The following ZNF514 variants were observed in gnomAD, a reference collection of about 807,000 sequenced individuals.
ZNF514 encodes the protein zinc finger protein 514.
In ZNF514, 12 loss-of-function variants were observed where a neutral mutation model predicts 9.7. That is an observed-to-expected ratio of 1.24 (90% CI 0.79 to 2.01). ZNF514 has a LOEUF of 2.01. Ranked by LOEUF, ZNF514 falls within the 30% of genes most tolerant of loss-of-function variation. ZNF514 has a pLI of 0.00. For missense variants in ZNF514, 467 were observed against 465.5 expected, an observed-to-expected ratio of 1.00 and a Z score of -0.03; for synonymous variants, 158 against 163.7, an observed-to-expected ratio of 0.97 and a Z score of 0.27.
the ZNF514 span, among the ~76,000 whole-genome samples, chr2:95,132,796 A>G: frequency 1.4e-5 from 2 of 139,962 alleles, no homozygotes; most frequent in South Asian, 2.3e-4. Context: ...TGAACCCAGG[A>G]GGCGGAGGTT....
the ZNF514 span, among the ~76,000 whole-genome samples, chr2:95,132,303 A>G: frequency 6.6e-6 from 1 of 152,150 alleles, no homozygotes; most frequent in Admixed American, 6.5e-5. Context: ...AAGCAATTCG[A>G]TTAGAAAATG....
At chr2:95,128,790 G>C in the ZNF514 span, among the ~76,000 whole-genome samples, 1 of 151,316 alleles carries the variant, frequency 6.6e-6, no homozygotes, top group African/African-American at 2.4e-5. Flanking sequence ...GGAGGAAGAG[G>C]AGGAGGAGGA....
At chr2:95,131,306 G>A in the ZNF514 span, among the ~76,000 whole-genome samples, 1 of 152,212 alleles carries the variant, frequency 6.6e-6, no homozygotes, top group Non-Finnish European at 1.5e-5. Context: ...AAAGGGACCA[G>A]GCACAGTTTC....
downstream of ZNF514, among the ~76,000 whole-genome samples, chr2:95,143,421 G>C (rs1673292265): frequency 6.6e-6 from 1 of 152,108 alleles, no homozygotes; most frequent in African/African-American, 2.4e-5. Flanking sequence ...AGGAGTTCAA[G>C]ACCAGCCTGA....
downstream of ZNF514, among the ~76,000 whole-genome samples, chr2:95,142,248 A>G (rs1444372673): frequency 6.6e-6 from 1 of 152,248 alleles, no homozygotes; most frequent in African/African-American, 2.4e-5. Context: ...GTCTCATCAA[A>G]TGAGTCTATA....
At chr2:95,126,385 A>AG in the ZNF514 span, among the ~76,000 whole-genome samples, 1 of 148,132 alleles carries the variant, frequency 6.8e-6, no homozygotes, top group South Asian at 2.1e-4. Flanking sequence ...AAAAAAAAAA[A>AG]AAAAAAAAAA....
chr2:95,154,708 A>G (rs1673644285), intron 2 of ZNF514: 1 of 152,254 alleles, frequency 6.6e-6, no homozygotes, highest in Non-Finnish European at 1.5e-5. Context: ...GGCAATAGGA[A>G]ATGTCCAGAA....
rs777883534 is a variant in ZNF514, at chr2:95,149,940, T to A, written c.545A>T (p.Asp182Val). 6.2e-7 allele frequency: 1 copy of A among 1,614,224 alleles called. No homozygotes were observed. The highest frequency in any genetic ancestry group is 8.5e-7 in the Non-Finnish European group (1 of 1,180,036). ...ILMGEGSYKC[D>V]TEFRQTLGGN... is the part of the protein sequence containing the mutation. Reference sequence around the variant, plus strand: ...CCCTAAAGTCTGCCTGAATTCTGTATCACATTTATAAGATCCTTCTCCCAT... The same window carrying A: ...CCCTAAAGTCTGCCTGAATTCTGTAACACATTTATAAGATCCTTCTCCCAT... Residue 182 changes from aspartate (D) to valine (V), a missense_variant, in exon 5 of 5, where the codon GAT (aspartate) becomes GTT (valine). Transcript: ENST00000295208.
the ZNF514 span, among the ~76,000 whole-genome samples, chr2:95,123,817 C>T: frequency 6.6e-6 from 1 of 152,182 alleles, no homozygotes; most frequent in African/African-American, 2.4e-5. Flanking sequence ...AATGGTCAAG[C>T]CTCCAGACTC....
chr2:95,125,459 CGATCTCTT>C, the ZNF514 span, among the ~76,000 whole-genome samples: 2 of 151,716 alleles, frequency 1.3e-5, no homozygotes, highest in Non-Finnish European at 2.9e-5. Flanking sequence ...AGGATGGTCT[CGATCTCTT>C]GACCTTGTGA....
chr2:95,153,073 CT>C, intron 3 of ZNF514, 59 bp downstream of exon 3: 1 of 1,573,216 alleles, frequency 6.4e-7, no homozygotes, highest in Non-Finnish European at 8.6e-7. Flanking sequence ...ACCACTAGCT[CT>C]TAAACATCAA....
intron 2 of ZNF514, among the ~76,000 whole-genome samples, chr2:95,156,023 C>T (rs1394796204): frequency 3.9e-5 from 6 of 152,306 alleles, no homozygotes; most frequent in East Asian, 1.9e-4. Context: ...TTTCTAACTG[C>T]GAGCCATTGA....
chr2:95,128,789 G>A, the ZNF514 span, among the ~76,000 whole-genome samples: 1 of 150,782 alleles, frequency 6.6e-6, no homozygotes, highest in African/African-American at 2.4e-5. Flanking sequence ...AGGAGGAAGA[G>A]GAGGAGGAGG....
At chr2:95,128,434 G>C in the ZNF514 span, among the ~76,000 whole-genome samples, 1 of 150,828 alleles carries the variant, frequency 6.6e-6, no homozygotes, top group African/African-American at 2.4e-5. Flanking sequence ...GTGTGTCCCT[G>C]TAATCCCAGC....
In ZNF514 at chr2:95,152,657, TTCAC is replaced by T. The variant is rs766409528; in HGVS notation, c.217+13_217+16del. On this transcript the variant is annotated intron_variant, in intron 4 of 4. Coordinates refer to ENST00000295208, the MANE Select transcript of ZNF514 (RefSeq NM_032788.3). ...GCTGGGCCTTATCATATGCAATGCT[TTCAC>T]TCACTCACTCACCTGAGTGGGCTCC... 3 of 1,609,780 alleles carry T rather than the reference TTCAC, an allele frequency of 1.9e-6. No homozygotes were observed. Among genetic ancestry groups the T allele is most frequent in the South Asian group, 1.1e-5 (1 of 90,998 alleles).
intron 3 of ZNF514, 148 bp downstream of exon 3, chr2:95,152,985 G>T (rs1673585672): frequency 5.6e-6 from 6 of 1,079,582 alleles, no homozygotes; most frequent in South Asian, 4.7e-5. Flanking sequence ...GTATCACTGG[G>T]CCCCAAAGAG....
chr2:95,130,757 T>C, the ZNF514 span, among the ~76,000 whole-genome samples: 2 of 152,336 alleles, frequency 1.3e-5, no homozygotes, highest in East Asian at 1.9e-4. Flanking sequence ...GGTGCCCACA[T>C]TTCATATTGC....
At chr2:95,156,202 T>C (rs1189140987) in intron 2 of ZNF514, among the ~76,000 whole-genome samples, 1 of 152,234 alleles carries the variant, frequency 6.6e-6, no homozygotes, top group Non-Finnish European at 1.5e-5. Flanking sequence ...TCAGTGTCTA[T>C]CATCAAACCT....
At chr2:95,127,385 T>C in the ZNF514 span, among the ~76,000 whole-genome samples, 1 of 152,160 alleles carries the variant, frequency 6.6e-6, no homozygotes. Flanking sequence ...CTCCATCTCT[T>C]TTATTTCCAG....
Sources: gnomAD v4.1 joint callset for allele counts (sites outside exome capture counted in the v4.1 genomes callset) on GRCh38, gnomAD v4.1.1 for gene constraint, MANE v1.5 for transcripts, NCBI Gene and HGNC (gene_info 2026-07-23, HGNC 2026-07-21) for gene names.